The following PCLO variants were observed in gnomAD, a reference collection of about 807,000 sequenced individuals.
PCLO encodes protein piccolo.
A neutral mutation model predicts 427.5 loss-of-function variants in PCLO; 82 were observed. The observed-to-expected ratio is 0.19, with a 90% confidence interval of 0.16 to 0.23. The LOEUF (loss-of-function observed/expected upper bound fraction) is 0.23. Ranked by LOEUF, PCLO falls within the 10% of genes least tolerant of loss-of-function variation. The probability of loss-of-function intolerance (pLI) is 1.00; values close to 1 mark genes in which losing one functional copy is unlikely to be tolerated. For missense variants in PCLO, 6,239 were observed against 6,115.9 expected (o/e 1.02, Z -0.67); for synonymous variants, 2,357 against 2,155.4 (o/e 1.09, Z -2.59).
chr7:83,030,650 T>C (rs146836325), intron 3 of PCLO, among the ~76,000 whole-genome samples: 113 of 152,310 alleles, frequency 7.4e-4, no homozygotes, highest in Non-Finnish European at 1.5e-3. Flanking sequence ...TGAGAAGCCA[T>C]GTAATATTGT....
At chr7:82,907,208 G>A (rs1324266739) in intron 8 of PCLO, among the ~76,000 whole-genome samples, 3 of 151,964 alleles carry the variant, frequency 2.0e-5, no homozygotes, top group African/African-American at 7.2e-5. Flanking sequence ...GGAAACAGTA[G>A]TGTTGATAAT....
intron 8 of PCLO, 62 bp from the exon 9 acceptor site, chr7:82,902,803 A>G (rs186006847): frequency 5.1e-6 from 4 of 782,050 alleles, no homozygotes; most frequent in East Asian, 5.0e-5. Flanking sequence ...TGCAATATAC[A>G]TAATTAGAAT....
chr7:83,150,051 C>G (rs1278592278), intron 2 of PCLO, among the ~76,000 whole-genome samples: 1 of 152,034 alleles, frequency 6.6e-6, no homozygotes, highest in Non-Finnish European at 1.5e-5. Context: ...ACATTTGGTT[C>G]ATTTTCAACA....
chr7:82,774,340 G>T (rs766645559), intron 22 of PCLO, among the ~76,000 whole-genome samples: 12 of 151,998 alleles, frequency 7.9e-5, no homozygotes, highest in Non-Finnish European at 1.5e-4. Flanking sequence ...TGCCACTTTT[G>T]GTTCTCACGT....
intron 4 of PCLO, among the ~76,000 whole-genome samples, chr7:82,960,904 A>G (rs1298952535): frequency 2.0e-5 from 3 of 152,170 alleles, no homozygotes; most frequent in Non-Finnish European, 4.4e-5. Context: ...AAAAGGCAGT[A>G]TTCTAAAAGT....
At position 83,155,998 on chromosome 7, in the gene PCLO, G is replaced by T; in HGVS notation, c.643C>A (p.Pro215Thr). The change falls in exon 2 of 25, where the codon CCA becomes ACA. Residue 215 changes from proline (P) to threonine (T), a missense_variant. Transcript: ENST00000333891. ...TGCTGCTTAGGAATCGGCTTGGGTG[G>T]CTGTTGTTGTAAAGGAGGTTTTATG... is the stretch of plus-strand genomic sequence containing the variant. ...GIIKPPLQQQ[P>T]PKPIPKQQGP... 1 of 1,613,552 alleles carries T rather than the reference G, an allele frequency of 6.2e-7. No individual in the cohort carries two copies. Among genetic ancestry groups the T allele is most frequent in the Non-Finnish European group, 8.5e-7 (1 of 1,179,792 alleles).
In PCLO at chr7:82,755,105, A is replaced by G. The variant is rs564939306; in HGVS notation, c.*3470T>C. On this transcript the variant is annotated 3_prime_UTR_variant, in exon 25 of 25. Coordinates refer to ENST00000333891, the MANE Select transcript of PCLO (RefSeq NM_033026.6). ...CATCACCACCACCGCTAATATCACT[A>G]CTGCTACCACCACTATCATTACAGT... 1 of 152,194 alleles carries G rather than the reference A, an allele frequency of 6.6e-6. No homozygotes were observed. Among genetic ancestry groups the G allele is most frequent in the East Asian group, 1.9e-4 (1 of 5,186 alleles). 9.4% of individuals were successfully genotyped at this position (152,194 alleles called of 1,614,324 possible). A position where few individuals can be genotyped will look rare whatever the true frequency, so the allele number is the denominator to read the frequency against.
chr7:83,022,993 C>T (rs997863851), intron 3 of PCLO, among the ~76,000 whole-genome samples: 1 of 152,082 alleles, frequency 6.6e-6, no homozygotes, highest in African/African-American at 2.4e-5. Flanking sequence ...CAAATCTGTA[C>T]ATGTATAATC....
chr7:83,023,458 C>A (rs1397547636), intron 3 of PCLO, among the ~76,000 whole-genome samples: 2 of 152,122 alleles, frequency 1.3e-5, no homozygotes. Flanking sequence ...CATCTGAAAT[C>A]TGATGTACAT....
chr7:82,768,834 T>A lies in PCLO; in HGVS notation c.15008-7341A>T, dbSNP rs1183645750. On this transcript the variant is annotated intron_variant, in intron 22 of 24. Transcript: ENST00000333891. Reference sequence around the variant, plus strand: ...ATCTTTGAAAAATATGTGTATGTGATATCTATATGCATACATTTGTACACA... The same window carrying A: ...ATCTTTGAAAAATATGTGTATGTGAAATCTATATGCATACATTTGTACACA... Among the ~76,000 whole-genome samples, 6 of 152,190 alleles carry A rather than the reference T, an allele frequency of 3.9e-5. No homozygotes were observed. In the East Asian group the frequency reaches 9.6e-4, roughly 24 times the overall value.
In PCLO at chr7:82,915,522, T is replaced by C. The variant is rs199931189; in HGVS notation, c.12464A>G (p.Tyr4155Cys). ...LSHYYHADTS[Y>C]RHFPKSEKYS... ...CTTCTCAGATTTTGGAAAATGTCTG[T>C]AGCTAGTATCAGCATGGTAATAATG... is the stretch of plus-strand genomic sequence containing the variant. The change falls in exon 7 of 25, where the codon TAC becomes TGC. Residue 4155 changes from tyrosine (Y) to cysteine (C), a missense_variant. Transcript: ENST00000333891. 2 of 1,613,716 alleles carry C rather than the reference T, an allele frequency of 1.2e-6. No individual in the cohort carries two copies. The highest frequency in any genetic ancestry group is 4.5e-5 in the East Asian group (2 of 44,856).
At chr7:82,841,656 G>A in intron 13 of PCLO, 147 bp from the exon 14 acceptor site, 3 of 602,516 alleles carry the variant, frequency 5.0e-6, no homozygotes, top group Admixed American at 6.2e-5. Flanking sequence ...TCAGAATAAT[G>A]GTGTCTACTT....
At chr7:82,892,830 T>C (rs1391811121) in intron 9 of PCLO, among the ~76,000 whole-genome samples, 2 of 151,982 alleles carry the variant, frequency 1.3e-5, no homozygotes, top group Non-Finnish European at 2.9e-5. Flanking sequence ...AAAATGCTCA[T>C]CATCACTGGC....
chr7:82,908,847 C>T lies in PCLO; in HGVS notation c.13437+30G>A, dbSNP rs10228024. ...TAGACTTGAGTCTTTTTTGATAAAT[C>T]TAAAAGAAATTGCTAAATATAGCAC... On this transcript the variant is annotated intron_variant, in intron 8 of 24. Transcript: ENST00000333891. 901 of 1,589,734 alleles carry T rather than the reference C, an allele frequency of 5.7e-4. 3 individuals carry two copies. In the African/African-American group the frequency reaches 0.011, roughly 20 times the overall value.
At chr7:82,841,549 T>G (rs910147804) in intron 13 of PCLO, 40 bp from the exon 14 acceptor site, 1 of 1,199,304 alleles carries the variant, frequency 8.3e-7, no homozygotes, top group Non-Finnish European at 1.2e-6. Context: ...AATAGATACA[T>G]TTTTCACATA....
chr7:82,902,576 T>C (rs1461089804), intron 9 of PCLO, 75 bp downstream of exon 9: 1 of 796,678 alleles, frequency 1.3e-6, no homozygotes, highest in Non-Finnish European at 2.1e-6. Context: ...GAAAGTATAA[T>C]AATAAAAAAA....
chr7:82,780,641 G>A (rs563191233), intron 22 of PCLO, among the ~76,000 whole-genome samples: 1 of 152,222 alleles, frequency 6.6e-6, no homozygotes, highest in South Asian at 2.1e-4. Flanking sequence ...TCCGCCTCCC[G>A]GGTTCTCGCC....
chr7:82,778,920 T>A (rs1410776483), intron 22 of PCLO, among the ~76,000 whole-genome samples: 1 of 151,760 alleles, frequency 6.6e-6, no homozygotes, highest in African/African-American at 2.4e-5. Context: ...TCTTCAAAAT[T>A]TTTTAGTCCT....
chr7:83,131,546 A>G (rs558554857), intron 3 of PCLO, among the ~76,000 whole-genome samples: 3 of 152,294 alleles, frequency 2.0e-5, no homozygotes, highest in East Asian at 1.9e-4. Context: ...GTCTCACAGC[A>G]ACCAGTATAG....
Sources: gnomAD v4.1 joint callset for allele counts (sites outside exome capture counted in the v4.1 genomes callset) on GRCh38, gnomAD v4.1.1 for gene constraint, MANE v1.5 for transcripts, NCBI Gene and HGNC (gene_info 2026-07-23, HGNC 2026-07-21) for gene names.